SHANK2: variants seen among roughly 807,000 people sequenced by gnomAD.
SHANK2 encodes the protein SH3 and multiple ankyrin repeat domains 2.
A neutral mutation model predicts 133.7 loss-of-function variants in SHANK2; 43 were observed. The observed-to-expected ratio is 0.32, with a 90% CI of 0.25 to 0.41. SHANK2 has a LOEUF of 0.41. Ranked by LOEUF, SHANK2 falls within the 10% of genes least tolerant of loss-of-function variation. SHANK2 has a pLI of 1.00. For missense variants in SHANK2, 1,994 were observed against 2,235.8 expected, an observed-to-expected ratio of 0.89 and a Z score of 2.18; for synonymous variants, 1,017 against 952.8, an observed-to-expected ratio of 1.07 and a Z score of -1.24.
intron 10 of SHANK2, among the ~76,000 whole-genome samples, chr11:70,925,148 G>GA (rs1950409349): frequency 6.6e-6 from 1 of 152,204 alleles, no homozygotes; most frequent in African/African-American, 2.4e-5. Flanking sequence ...ATATCTGCAT[G>GA]AATCAGCAGC....
chr11:70,765,462 C>T (rs1350172584), intron 14 of SHANK2, among the ~76,000 whole-genome samples: 1 of 152,206 alleles, frequency 6.6e-6, no homozygotes, highest in African/African-American at 2.4e-5. Flanking sequence ...ATACAGACAA[C>T]ACCAGAGAAA....
At chr11:71,183,469 GTGCT>G (rs1241948168) in intron 2 of SHANK2, among the ~76,000 whole-genome samples, 1 of 152,202 alleles carries the variant, frequency 6.6e-6, no homozygotes, top group Non-Finnish European at 1.5e-5. Context: ...CAGTGAGGAG[GTGCT>G]TGCTTTTCAA....
intron 18 of SHANK2, among the ~76,000 whole-genome samples, 160 bp from the exon 19 acceptor site, chr11:70,502,446 G>A (rs1305694756): frequency 6.6e-6 from 1 of 152,182 alleles, no homozygotes; most frequent in Non-Finnish European, 1.5e-5. Flanking sequence ...AAGGACAGGT[G>A]CTCAGGAGGA....
intron 1 of SHANK2, among the ~76,000 whole-genome samples, chr11:71,229,210 G>C (rs1954694949): frequency 1.3e-5 from 2 of 152,082 alleles, no homozygotes; most frequent in South Asian, 4.1e-4. Flanking sequence ...ACTCAACATA[G>C]AGCTGGATGT....
chr11:70,555,603 G>C (rs951423675), intron 17 of SHANK2, among the ~76,000 whole-genome samples: 9 of 152,222 alleles, frequency 5.9e-5, no homozygotes, highest in Non-Finnish European at 1.2e-4. Flanking sequence ...GCATGTGCTT[G>C]TAGGTCGCAG....
At chr11:71,244,911 C>A (rs564593614) in intron 1 of SHANK2, among the ~76,000 whole-genome samples, 2 of 152,218 alleles carry the variant, frequency 1.3e-5, no homozygotes, top group South Asian at 4.2e-4. Context: ...ACCATTTTGG[C>A]CAGGCTGGTC....
intron 14 of SHANK2, among the ~76,000 whole-genome samples, chr11:70,758,994 A>G (rs1382065520): frequency 2.0e-5 from 3 of 151,764 alleles, no homozygotes; most frequent in African/African-American, 7.3e-5. Context: ...CTCTGTCTCC[A>G]CTAAAAATAC....
At chr11:71,176,190 C>A (rs183272400) in intron 2 of SHANK2, among the ~76,000 whole-genome samples, 1 of 152,088 alleles carries the variant, frequency 6.6e-6, no homozygotes, top group African/African-American at 2.4e-5. Context: ...TCCCGCCCAA[C>A]GAATATTCAA....
chr11:70,858,254 T>C (rs1456944515), intron 11 of SHANK2, among the ~76,000 whole-genome samples: 1 of 152,224 alleles, frequency 6.6e-6, no homozygotes, highest in East Asian at 1.9e-4. Context: ...CATGTTCATA[T>C]AAAATAACAG....
intron 1 of SHANK2, among the ~76,000 whole-genome samples, chr11:71,243,219 C>G (rs1460382038): frequency 6.6e-6 from 1 of 152,288 alleles, no homozygotes; most frequent in African/African-American, 2.4e-5. Context: ...AAGGTTAGGG[C>G]TGAAGTTAAT....
rs116120376 is a variant in SHANK2, at chr11:70,830,157, A to G, written c.1175-9475T>C. 7.8e-3 allele frequency among the ~76,000 whole-genome samples: 1,185 copies of G among 152,274 alleles called. 17 individuals are homozygous for G. Among genetic ancestry groups the G allele is most frequent in the African/African-American group, 0.027 (1,106 of 41,548 alleles). On this transcript the variant is annotated intron_variant, in intron 11 of 25. Transcript: ENST00000601538. The surrounding 1 kb of genome is among the most constrained non-coding windows in gnomAD (Gnocchi z 4.4). ...CAAACCTTTGTGCAGCCTCCAGGGC[A>G]GTTTTCATCTGGTGTCCCCATCCCT...
chr11:70,689,430 G>C (rs1945227563), intron 15 of SHANK2, among the ~76,000 whole-genome samples: 1 of 152,198 alleles, frequency 6.6e-6, no homozygotes, highest in Non-Finnish European at 1.5e-5. Flanking sequence ...CTTCAGTCTG[G>C]AGGGGTCTCC....
rs782550214 is a variant in SHANK2, at chr11:70,485,888, A to T, written c.4405T>A (p.Ser1469Thr). Residue 1469 changes from serine to threonine, a missense_variant, in exon 25 of 26, where the codon TCA becomes ACA. By Grantham distance (58) the Ser-to-Thr change is moderately conservative. Coordinates refer to ENST00000601538, the MANE Select transcript of SHANK2 (RefSeq NM_012309.5). This position sits in a 1 kb window ranked among gnomAD's most constrained non-coding sequence, Gnocchi z 5.8. ...AGGAATGAGGCAGGCAGACAGTTTG[A>T]AAGACTGGCTGGCTTCTTGCTGTCT... ...SADSKKPASL[S>T]NCLPASFLPP... The T allele has an allele frequency of 1.2e-6, 2 of 1,614,116 alleles. No individual in the cohort carries two copies. Among genetic ancestry groups the T allele is most frequent in the Non-Finnish European group, 1.7e-6 (2 of 1,180,014 alleles).
At chr11:70,679,978 A>G (rs1555018025) in intron 15 of SHANK2, among the ~76,000 whole-genome samples, 1 of 152,168 alleles carries the variant, frequency 6.6e-6, no homozygotes, top group African/African-American at 2.4e-5. Flanking sequence ...TTGGGGTCCC[A>G]CGGAGGCCGA....
At chr11:70,630,491 C>T (rs2060970059) in intron 17 of SHANK2, among the ~76,000 whole-genome samples, 1 of 152,298 alleles carries the variant, frequency 6.6e-6, no homozygotes, top group African/African-American at 2.4e-5. Context: ...CTAAAATCCA[C>T]GTCTATGTAG....
chr11:71,163,823 A>G (rs1227743261), intron 2 of SHANK2, among the ~76,000 whole-genome samples: 4 of 152,238 alleles, frequency 2.6e-5, no homozygotes, highest in African/African-American at 9.6e-5. Context: ...CCTCTTCAAC[A>G]GGGAGGCTGG....
intron 9 of SHANK2, among the ~76,000 whole-genome samples, chr11:71,074,919 A>G (rs1951199273): frequency 1.3e-5 from 2 of 151,848 alleles, no homozygotes; most frequent in Non-Finnish European, 2.9e-5. Flanking sequence ...AGCTGGGACT[A>G]CAGGTGCCTG....
chr11:70,870,617 C>T (rs1949444177), intron 11 of SHANK2, among the ~76,000 whole-genome samples: 1 of 152,118 alleles, frequency 6.6e-6, no homozygotes, highest in Non-Finnish European at 1.5e-5. Context: ...CTGGGGACTG[C>T]AGGGAGACTC....
chr11:70,553,027 T>A (rs1243652699), intron 17 of SHANK2, among the ~76,000 whole-genome samples: 1 of 151,936 alleles, frequency 6.6e-6, no homozygotes, highest in African/African-American at 2.4e-5. Flanking sequence ...TGTGTCCAAA[T>A]CCCCTCTTAA....
Sources: allele counts gnomAD v4.1 joint callset (sites outside exome capture counted in the v4.1 genomes callset), GRCh38; gene constraint gnomAD v4.1.1; non-coding constraint Gnocchi (gnomAD v3.1); transcripts MANE v1.5; gene names NCBI Gene and HGNC (gene_info 2026-07-23, HGNC 2026-07-21).